The following SKAP1 variants were observed in gnomAD, a reference collection of about 807,000 sequenced individuals.
SKAP1 encodes src kinase associated phosphoprotein 1, also known as src kinase-associated phosphoprotein 1.
In SKAP1, 44 loss-of-function variants were observed where a neutral mutation model predicts 58.5. That is an observed-to-expected ratio of 0.75 (90% CI 0.59 to 0.97). SKAP1 has a LOEUF of 0.97. Among genes scored for constraint, SKAP1 ranks in the 50% least tolerant of loss-of-function variants. The probability of loss-of-function intolerance (pLI) is 0.00; values close to 1 mark genes in which losing one functional copy is unlikely to be tolerated. For missense variants in SKAP1, 390 were observed against 435.2 expected, an observed-to-expected ratio of 0.90 and a Z score of 0.92; for synonymous variants, 127 against 149.7, an observed-to-expected ratio of 0.85 and a Z score of 1.11.
chr17:48,442,376 G>A, the SKAP1 span, among the ~76,000 whole-genome samples: 1 of 152,188 alleles, frequency 6.6e-6, no homozygotes, highest in African/African-American at 2.4e-5. Flanking sequence ...CTTCAGACCT[G>A]CCTATGTATG....
chr17:48,290,136 C>G (rs1377846636), intron 4 of SKAP1, among the ~76,000 whole-genome samples: 1 of 152,134 alleles, frequency 6.6e-6, no homozygotes, highest in African/African-American at 2.4e-5. Context: ...GTTTGGATAT[C>G]AAAGTCCACT....
intron 3 of SKAP1, among the ~76,000 whole-genome samples, chr17:48,362,442 G>C (rs2066948649): frequency 6.6e-6 from 1 of 152,136 alleles, no homozygotes; most frequent in African/African-American, 2.4e-5. Context: ...GCTTCCCCCT[G>C]TGGATTTTGG....
At chr17:48,427,914 T>A (rs1324675239) in intron 1 of SKAP1, among the ~76,000 whole-genome samples, 1 of 152,014 alleles carries the variant, frequency 6.6e-6, no homozygotes, top group African/African-American at 2.4e-5. Context: ...CCTTAAAAAG[T>A]GTGTGGTGGG....
intron 4 of SKAP1, among the ~76,000 whole-genome samples, chr17:48,309,903 C>T (rs1461862444): frequency 6.6e-6 from 1 of 152,132 alleles, no homozygotes; most frequent in Non-Finnish European, 1.5e-5. Context: ...TGGCCTTGCA[C>T]CTTTAATGAG....
At chr17:48,204,987 T>TTCTTTCTTTC (rs2064782414) in intron 4 of SKAP1, among the ~76,000 whole-genome samples, 1 of 52,852 alleles carries the variant, frequency 1.9e-5, no homozygotes, top group Non-Finnish European at 3.6e-5. Flanking sequence ...CTTTCTTTCT[T>TTCTTTCTTTC]TCTTTCTTTC....
chr17:48,402,543 T>C (rs1205856191), intron 1 of SKAP1, among the ~76,000 whole-genome samples: 1 of 152,298 alleles, frequency 6.6e-6, no homozygotes, highest in East Asian at 1.9e-4. Context: ...TCGCCCAGGC[T>C]GGTCTTGAAC....
At chr17:48,407,874 G>GAGGAATATAT (rs1475813436) in intron 1 of SKAP1, among the ~76,000 whole-genome samples, 1 of 151,576 alleles carries the variant, frequency 6.6e-6, no homozygotes, top group Non-Finnish European at 1.5e-5. Flanking sequence ...AAAGGCAGGG[G>GAGGAATATAT]AGGAATATAT....
At chr17:48,175,027 A>C (rs1485515463) in intron 9 of SKAP1, among the ~76,000 whole-genome samples, 1 of 152,178 alleles carries the variant, frequency 6.6e-6, no homozygotes, top group Non-Finnish European at 1.5e-5. Context: ...AGTCGATTTC[A>C]ATAAACATTC....
rs78847236 is a variant in SKAP1 at position 48,268,096 on chromosome 17, T to C, written c.280+77809A>G. Among the ~76,000 whole-genome samples the C allele has an allele frequency of 6.0e-3, 912 of 152,142 alleles. 4 individuals are homozygous for C. The highest frequency in any genetic ancestry group is 0.01 in the Middle Eastern group (3 of 294). On this transcript the variant is annotated intron_variant, in intron 4 of 12. Transcript: ENST00000336915. The stretch of plus-strand genomic sequence containing the variant: ...TCCTCGAAAGACAGACATTACTCTT[T>C]AGAGTTTCAAAAAAAAGAAAGAAAA...
chr17:48,220,852 C>CAAAAAAAAA (rs56006389), intron 4 of SKAP1, among the ~76,000 whole-genome samples: 1 of 83,630 alleles, frequency 1.2e-5, no homozygotes, highest in Non-Finnish European at 2.1e-5. Flanking sequence ...GACTCCATCT[C>CAAAAAAAAA]AAAAAAAAAA....
At chr17:48,222,904 A>G (rs1336208741) in intron 4 of SKAP1, among the ~76,000 whole-genome samples, 1 of 150,874 alleles carries the variant, frequency 6.6e-6, no homozygotes, top group Non-Finnish European at 1.5e-5. Flanking sequence ...TCTCTACTAA[A>G]AATACAAAAA....
chr17:48,149,904 T>G (rs537591683), intron 11 of SKAP1, among the ~76,000 whole-genome samples: 2 of 152,302 alleles, frequency 1.3e-5, no homozygotes, highest in East Asian at 3.9e-4. Context: ...GGCAAAGTTG[T>G]GAAGGGGAAA....
intron 4 of SKAP1, among the ~76,000 whole-genome samples, chr17:48,321,288 A>C (rs946686148): frequency 4.1e-4 from 62 of 151,758 alleles, no homozygotes; most frequent in African/African-American, 1.5e-3. Context: ...CCTATTTTAA[A>C]AGATTTTCAG....
chr17:48,406,045 T>C (rs956953607), intron 1 of SKAP1, among the ~76,000 whole-genome samples: 1 of 151,874 alleles, frequency 6.6e-6, no homozygotes, highest in Non-Finnish European at 1.5e-5. Flanking sequence ...GGCGGGTAGA[T>C]CACGAAGTCA....
At chr17:48,270,047 G>T (rs977467189) in intron 4 of SKAP1, among the ~76,000 whole-genome samples, 3 of 152,138 alleles carry the variant, frequency 2.0e-5, no homozygotes, top group African/African-American at 7.2e-5. Flanking sequence ...GGAGGCGGAG[G>T]TTGCAGTGAG....
At chr17:48,366,839 T>C (rs1193996505) in intron 2 of SKAP1, among the ~76,000 whole-genome samples, 1 of 152,174 alleles carries the variant, frequency 6.6e-6, no homozygotes, top group Non-Finnish European at 1.5e-5. Flanking sequence ...AGTATGTGCA[T>C]ACATGTATGT....
chr17:48,310,870 C>T (rs937994465), intron 4 of SKAP1, among the ~76,000 whole-genome samples: 1 of 152,030 alleles, frequency 6.6e-6, no homozygotes, highest in African/African-American at 2.4e-5. Flanking sequence ...TCATACGAGG[C>T]TGGGTTCATA....
At chr17:48,191,268 C>G (rs2064541702) in intron 4 of SKAP1, among the ~76,000 whole-genome samples, 1 of 152,264 alleles carries the variant, frequency 6.6e-6, no homozygotes, top group Admixed American at 6.5e-5. Flanking sequence ...AAAAAAAAGC[C>G]TCTTTTAAGG....
chr17:48,291,117 T>TAAACAA (rs748540261), intron 4 of SKAP1, among the ~76,000 whole-genome samples: 11 of 152,130 alleles, frequency 7.2e-5, no homozygotes, highest in Non-Finnish European at 1.3e-4. Flanking sequence ...GACCCTGTCT[T>TAAACAA]AAACAAAAAC....
Sources: gnomAD v4.1 joint callset for allele counts (sites outside exome capture counted in the v4.1 genomes callset) on GRCh38, gnomAD v4.1.1 for gene constraint, MANE v1.5 for transcripts, NCBI Gene and HGNC (gene_info 2026-07-23, HGNC 2026-07-21) for gene names.